TKTL1: variants seen among roughly 807,000 people sequenced by gnomAD.
TKTL1 encodes transketolase-like protein 1.
Under a neutral mutation model 39.3 loss-of-function variants are expected in TKTL1, and 1 was observed. The observed-to-expected ratio is 0.03, with a 90% CI of 0.01 to 0.12. The LOEUF is 0.12. TKTL1 is among the 10% of genes least tolerant of loss of function. TKTL1 has a pLI of 1.00. For missense variants in TKTL1, 575 were observed against 509.6 expected (o/e 1.13, Z -1.24); for synonymous variants, 262 against 193.8 (o/e 1.35, Z -2.92).
chrX:154,329,880 C>T lies in TKTL1; in HGVS notation c.*192C>T. 1 of 414,391 alleles carries T rather than the reference C, an allele frequency of 2.4e-6. No individual in the cohort carries two copies. The highest frequency in any genetic ancestry group is 3.9e-6 in the Non-Finnish European group (1 of 254,819). 34.2% of individuals were successfully genotyped at this position (414,391 alleles called of 1,213,427 possible). On this transcript the variant is annotated 3_prime_UTR_variant, in exon 13 of 13. Coordinates refer to ENST00000369915, the MANE Select transcript of TKTL1 (RefSeq NM_012253.4). Reference sequence around the variant, plus strand: ...ACTGTCACTGCATATGCAAGTACCGCTCTAATTTTTGGATCATTAAAGGGA... The same window carrying T: ...ACTGTCACTGCATATGCAAGTACCGTTCTAATTTTTGGATCATTAAAGGGA...
Position 154,323,354 on chromosome X carries a change from A to G in TKTL1, c.1317+17A>G, listed in dbSNP as rs370613697. On this transcript the variant is annotated intron_variant, in intron 9 of 12. Coordinates refer to ENST00000369915, the MANE Select transcript of TKTL1 (RefSeq NM_012253.4). ...AATGCCAAGGTATTTTTAAGGGGACACTAGTTTCAGACAGAAAATGCTTCT... is the reference window on the plus strand; with the variant it reads ...AATGCCAAGGTATTTTTAAGGGGACGCTAGTTTCAGACAGAAAATGCTTCT... 106 of 1,207,991 alleles carry G rather than the reference A, an allele frequency of 8.8e-5. No homozygotes were observed. The highest frequency in any genetic ancestry group is 1.1e-4 in the Non-Finnish European group (100 of 894,119).
chrX:154,316,771 GT>G (rs386417754), intron 7 of TKTL1, among the ~76,000 whole-genome samples: 31 of 100,539 alleles, frequency 3.1e-4, no homozygotes, highest in Middle Eastern at 5.2e-3. Flanking sequence ...TTTTTTGGGG[GT>G]TTTTTTTTTT....
chrX:154,305,472 A>G (rs1408904837), intron 2 of TKTL1, 51 bp downstream of exon 2: 4 of 1,173,973 alleles, frequency 3.4e-6, no homozygotes, highest in Non-Finnish European at 4.6e-6. Context: ...GGTTAAGCCC[A>G]GTTTGAACAG....
In TKTL1 at chrX:154,327,578, G is replaced by A; in HGVS notation, c.1402-13G>A. 8.3e-7 allele frequency: 1 copy of A among 1,200,853 alleles called. No individual in the cohort carries two copies. The highest frequency in any genetic ancestry group is 2.2e-5 in the Admixed American group (1 of 45,912). Reference sequence around the variant, plus strand: ...AGTAACCACGGCATTCTGTTTTGCTGGCACTATACCAGGTCCTCCGCCACT... The same window carrying A: ...AGTAACCACGGCATTCTGTTTTGCTAGCACTATACCAGGTCCTCCGCCACT... On this transcript the variant is annotated splice_polypyrimidine_tract_variant and intron_variant, in intron 10 of 12. Coordinates refer to ENST00000369915, the MANE Select transcript of TKTL1 (RefSeq NM_012253.4).
chrX:154,322,992 C>A (rs2067463602), intron 8 of TKTL1, among the ~76,000 whole-genome samples: 1 of 112,042 alleles, frequency 8.9e-6, no homozygotes, highest in African/African-American at 3.3e-5. Flanking sequence ...TTGACTAACC[C>A]GAGGTGTCAC....
At position 154,329,879 on chromosome X, in the gene TKTL1, G is replaced by A. The variant is rs1020118502; in HGVS notation, c.*191G>A. On this transcript the variant is annotated 3_prime_UTR_variant, in exon 13 of 13. Coordinates refer to ENST00000369915, the MANE Select transcript of TKTL1 (RefSeq NM_012253.4). ...AACTGTCACTGCATATGCAAGTACC[G>A]CTCTAATTTTTGGATCATTAAAGGG... 4.1e-5 allele frequency: 17 copies of A among 412,595 alleles called. No homozygotes were observed. The highest frequency in any genetic ancestry group is 5.5e-5 in the Non-Finnish European group (14 of 254,495). 34.0% of individuals were successfully genotyped at this position (412,595 alleles called of 1,213,427 possible).
intron 2 of TKTL1, 55 bp from the exon 3 acceptor site, chrX:154,309,290 C>T: frequency 9.5e-7 from 1 of 1,051,489 alleles, no homozygotes; most frequent in Non-Finnish European, 1.3e-6. Context: ...CGTGAGTCCA[C>T]CTGATACCAT....
intron 1 of TKTL1, among the ~76,000 whole-genome samples, chrX:154,296,424 C>T (rs1222287087): frequency 1.8e-5 from 2 of 110,969 alleles, no homozygotes; most frequent in East Asian, 2.8e-4. Context: ...GGTGAATGAG[C>T]GACTCTAACC....
Position 154,329,824 on chromosome X carries a change from C to G in TKTL1, c.*136C>G. 1.4e-6 allele frequency: 1 copy of G among 715,554 alleles called. No homozygotes were observed. The highest frequency in any genetic ancestry group is 3.0e-5 in the South Asian group (1 of 33,773). The allele number at this position is 715,554 out of a possible 1,213,427, so 59.0% of individuals were successfully genotyped here. On this transcript the variant is annotated 3_prime_UTR_variant, in exon 13 of 13. Coordinates refer to ENST00000369915, the MANE Select transcript of TKTL1 (RefSeq NM_012253.4). ...CTAACACCTTCATTCATCCCTAGTT[C>G]GGAAATTCAAGCTAACTACTTACCC... is the stretch of plus-strand genomic sequence containing the variant.
At chrX:154,306,405 A>G (rs1215416745) in intron 2 of TKTL1, among the ~76,000 whole-genome samples, 11 of 111,827 alleles carry the variant, frequency 9.8e-5, no homozygotes, top group Admixed American at 3.8e-4. Context: ...TAGCTGAAGT[A>G]AGTGCCTAAA....
At chrX:154,318,038 G>A (rs1385455100) in intron 7 of TKTL1, among the ~76,000 whole-genome samples, 3 of 111,870 alleles carry the variant, frequency 2.7e-5, no homozygotes, top group Admixed American at 9.4e-5. Context: ...CTACATATTC[G>A]TTGGCCTAGT....
At chrX:154,317,264 G>A (rs1483516258) in intron 7 of TKTL1, among the ~76,000 whole-genome samples, 1 of 112,150 alleles carries the variant, frequency 8.9e-6, no homozygotes, top group East Asian at 2.8e-4. Context: ...GGTATTTAGT[G>A]CCATGTTGAA....
intron 1 of TKTL1, among the ~76,000 whole-genome samples, chrX:154,303,177 TTTTATTTATTTATTTATTTATTTA>T (rs201017132): frequency 1.8e-3 from 160 of 88,803 alleles, no homozygotes; most frequent in African/African-American, 6.7e-3. Context: ...TTTTTAAAAT[TTTTATTTATTTATTTATTTATTTA>T]TTTATTTATT....
intron 1 of TKTL1, among the ~76,000 whole-genome samples, chrX:154,303,871 C>T (rs1441786228): frequency 4.7e-5 from 5 of 105,316 alleles, no homozygotes; most frequent in African/African-American, 1.4e-4. Flanking sequence ...TTCAGGTCAT[C>T]GTGTTCTCTG....
chrX:154,310,433 A>G (rs1225059109), intron 3 of TKTL1, among the ~76,000 whole-genome samples: 1 of 112,407 alleles, frequency 8.9e-6, no homozygotes, highest in Admixed American at 9.4e-5. Context: ...TCTGCCTCAA[A>G]CAAACAAACA....
chrX:154,324,848 C>CAA (rs1271058820), intron 9 of TKTL1, among the ~76,000 whole-genome samples: 4 of 112,040 alleles, frequency 3.6e-5, no homozygotes, highest in African/African-American at 1.3e-4. Flanking sequence ...TTTAGACATA[C>CAA]AAGTGTTCAT....
intron 1 of TKTL1, among the ~76,000 whole-genome samples, chrX:154,303,565 C>T (rs1387056265): frequency 3.8e-5 from 4 of 104,598 alleles, no homozygotes; most frequent in African/African-American, 7.0e-5. Context: ...CTTCCCTCGT[C>T]TTCCTTGGCT....
intron 1 of TKTL1, chrX:154,304,841 A>T (rs2067302354): frequency 2.9e-6 from 1 of 341,837 alleles, no homozygotes; most frequent in Middle Eastern, 5.1e-4. Flanking sequence ...AGCAGCAGTT[A>T]CTTTGGCAGC....
rs141825929 is a variant in TKTL1, at chrX:154,329,670, A to G, written c.1773A>G (p.Lys591=). Residue 591 remains lysine, a synonymous_variant, in exon 13 of 13, where the codon AAA becomes AAG. Coordinates refer to ENST00000369915, the MANE Select transcript of TKTL1 (RefSeq NM_012253.4). ...CCAGACATATCATAGTGGCCGTGAA[A>G]TGCATGTTGCTGAACTAAAATAGCT... ...ISARHIIVAV[K]CMLLN is the part of the protein sequence containing the mutation. 4 of 1,209,545 alleles carry G rather than the reference A, an allele frequency of 3.3e-6. No homozygotes were observed. The African/African-American group carries it at 5.2e-5, about 16-fold the overall frequency.
Sources: gnomAD v4.1 joint callset for allele counts (sites outside exome capture counted in the v4.1 genomes callset) on GRCh38, gnomAD v4.1.1 for gene constraint, MANE v1.5 for transcripts, NCBI Gene and HGNC (gene_info 2026-07-23, HGNC 2026-07-21) for gene names.